Variants in NUP85 observed in about 807,000 individuals in gnomAD.
NUP85 encodes the protein nucleoporin 85, also known as nuclear pore complex protein Nup85.
Under a neutral mutation model 92.8 loss-of-function variants are expected in NUP85, and 23 were observed. The ratio of observed to expected loss-of-function variants is 0.25; its 90% CI spans 0.18 to 0.35. The LOEUF is 0.35. Among genes scored for constraint, NUP85 ranks in the 10% least tolerant of loss-of-function variants. NUP85 has a pLI of 1.00. For synonymous variants in NUP85, 314 were observed against 306.9 expected (o/e 1.02, Z -0.24); for missense variants, 759 against 822.8 (o/e 0.92, Z 0.95).
intron 5 of NUP85, among the ~76,000 whole-genome samples, chr17:75,215,039 C>A (rs1207465484): frequency 2.1e-5 from 3 of 143,000 alleles, no homozygotes; most frequent in Non-Finnish European, 4.6e-5. Context: ...GGCATGGTGG[C>A]AGGCGCCTGT....
intron 3 of NUP85, among the ~76,000 whole-genome samples, chr17:75,210,216 A>T (rs1256413696): frequency 6.6e-6 from 1 of 152,144 alleles, no homozygotes; most frequent in Non-Finnish European, 1.5e-5. Context: ...TTATATTCAT[A>T]TTTTACTTAG....
chr17:75,230,298 C>CT (rs1358261900), intron 11 of NUP85, among the ~76,000 whole-genome samples: 1 of 151,438 alleles, frequency 6.6e-6, no homozygotes, highest in Admixed American at 6.6e-5. Flanking sequence ...CCGCCTCGGC[C>CT]TTTCAGTGTT....
chr17:75,212,258 T>G (rs2075296620), intron 4 of NUP85, among the ~76,000 whole-genome samples, 196 bp downstream of exon 4: 7 of 1,818 alleles, frequency 3.9e-3, no homozygotes, highest in East Asian at 0.017. Flanking sequence ...TTTTTTTTTT[T>G]TTTTTTTTTT....
intron 11 of NUP85, among the ~76,000 whole-genome samples, chr17:75,229,538 C>T (rs544927775): frequency 2.6e-5 from 4 of 152,286 alleles, no homozygotes; most frequent in East Asian, 3.9e-4. Context: ...CTCTGTGTCT[C>T]GGCTGCTCAC....
At chr17:75,212,247 G>GTTTTTTTTTGT (rs2075294230) in intron 4 of NUP85, among the ~76,000 whole-genome samples, 185 bp downstream of exon 4, 2 of 3,670 alleles carry the variant, frequency 5.4e-4, no homozygotes, top group African/African-American at 6.9e-4. Flanking sequence ...TTTTGTTGTT[G>GTTTTTTTTTGT]TTTTTTTTTT....
At chr17:75,223,873 A>G (rs1478708343) in intron 7 of NUP85, among the ~76,000 whole-genome samples, 1 of 152,156 alleles carries the variant, frequency 6.6e-6, no homozygotes, top group Non-Finnish European at 1.5e-5. Flanking sequence ...TTTTCTCAAC[A>G]AAGTATGTCC....
chr17:75,214,798 A>G (rs563824659), intron 5 of NUP85, among the ~76,000 whole-genome samples: 36 of 151,570 alleles, frequency 2.4e-4, no homozygotes, highest in Admixed American at 6.6e-4. Flanking sequence ...CAGAGGTTGC[A>G]GTGAGCCGAG....
At chr17:75,230,916 C>T (rs902505967) in intron 11 of NUP85, among the ~76,000 whole-genome samples, 2 of 145,920 alleles carry the variant, frequency 1.4e-5, no homozygotes, top group African/African-American at 2.5e-5. Context: ...CAAGACTCCA[C>T]CTCAACTACT....
chr17:75,210,702 G>A (rs755132433), intron 3 of NUP85, among the ~76,000 whole-genome samples: 7 of 152,032 alleles, frequency 4.6e-5, no homozygotes, highest in Non-Finnish European at 1.0e-4. Flanking sequence ...ATTATTGGTT[G>A]TTTTTCTGTT....
chr17:75,208,646 TC>T, intron 2 of NUP85, 26 bp downstream of exon 2: 1 of 1,292,046 alleles, frequency 7.7e-7, no homozygotes, highest in Non-Finnish European at 1.1e-6. Flanking sequence ...TTCCAAATTA[TC>T]CATCTTGGCA....
At chr17:75,225,644 G>A in intron 9 of NUP85, 54 bp from the exon 10 acceptor site, 28 of 1,606,844 alleles carry the variant, frequency 1.7e-5, no homozygotes, top group Non-Finnish European at 2.4e-5. Context: ...GGAGCATTAT[G>A]GAGAAGGTAC....
intron 11 of NUP85, among the ~76,000 whole-genome samples, chr17:75,230,755 A>T (rs1056996241): frequency 3.3e-5 from 5 of 152,132 alleles, no homozygotes; most frequent in African/African-American, 4.8e-5. Context: ...TGGTGAGAAC[A>T]TTCAAAAGCT....
In NUP85 at chr17:75,225,244, G is replaced by C; in HGVS notation, c.732+7G>C. On this transcript the variant is annotated splice_region_variant and intron_variant, in intron 8 of 18. Coordinates refer to ENST00000245544, the MANE Select transcript of NUP85 (RefSeq NM_024844.5). ...GACAATGCCCATTCTTAGTGTACGT[G>C]GGGGTAGCTTTGCTCTGCTGGGTCA... is the stretch of plus-strand genomic sequence containing the variant. The C allele has an allele frequency of 6.2e-7, 1 of 1,605,056 alleles. No homozygotes were observed. Among genetic ancestry groups the C allele is most frequent in the East Asian group, 2.2e-5 (1 of 44,734 alleles).
At chr17:75,208,192 T>C in intron 1 of NUP85, 1 of 238,566 alleles carries the variant, frequency 4.2e-6, no homozygotes, top group Non-Finnish European at 8.0e-6. Context: ...TCCTAGCACT[T>C]TGGGAGGCTG....
Position 75,205,758 on chromosome 17 carries a change from C to T in NUP85, c.-4C>T, listed in dbSNP as rs748491522. ...CGACTTCTAGGAGCCTGGGGTTCGG[C>T]GCTATGGAGGAGCTCGATGGCGAGC... On this transcript the variant is annotated 5_prime_UTR_variant, in exon 1 of 19. Coordinates refer to ENST00000245544, the MANE Select transcript of NUP85 (RefSeq NM_024844.5). The T allele has an allele frequency of 6.2e-6, 10 of 1,614,000 alleles. No individual in the cohort carries two copies. The highest frequency in any genetic ancestry group is 4.0e-5 in the African/African-American group (3 of 74,910).
In NUP85 at chr17:75,231,493, G is replaced by A; in HGVS notation, c.1178+70G>A. 6.2e-7 allele frequency: 1 copy of A among 1,608,850 alleles called. No homozygotes were observed. Among genetic ancestry groups the A allele is most frequent in the Non-Finnish European group, 8.5e-7 (1 of 1,175,200 alleles). The stretch of plus-strand genomic sequence containing the variant: ...CCCCCGAGGGTGGTGTGAACTGAAT[G>A]CCTGAAAGGGAGGTTGGGCTAAGGG... On this transcript the variant is annotated intron_variant, in intron 12 of 18. Coordinates refer to ENST00000245544, the MANE Select transcript of NUP85 (RefSeq NM_024844.5). The surrounding 1 kb of genome is among the most constrained non-coding windows in gnomAD (Gnocchi z 4.6).
In NUP85 at chr17:75,229,679, A is replaced by G. The variant is rs73354491; in HGVS notation, c.1095-1661A>G. On this transcript the variant is annotated intron_variant, in intron 11 of 18. Coordinates refer to ENST00000245544, the MANE Select transcript of NUP85 (RefSeq NM_024844.5). ...GACCGTGGTGGCTTTGTGCAGCACT[A>G]TGTCTGGTCTCCGTCACTTGAGTTG... Among the ~76,000 whole-genome samples, 1,420 of 152,196 alleles carry G rather than the reference A, an allele frequency of 9.3e-3. 23 individuals carry two copies. The highest frequency in any genetic ancestry group is 0.033 in the African/African-American group (1,364 of 41,506).
intron 6 of NUP85, among the ~76,000 whole-genome samples, chr17:75,217,428 C>G (rs946875793): frequency 1.3e-5 from 2 of 151,748 alleles, no homozygotes. Flanking sequence ...TGTCAAACTC[C>G]TGGGCTCAAG....
At position 75,225,165 on chromosome 17, in the gene NUP85, C is replaced by T. The variant is rs757940110; in HGVS notation, c.660C>T (p.Ala220=). The part of the protein sequence containing the change: ...DEARQMLSKE[A]DASPASAGIC... ...CCCGACAGATGCTCTCCAAGGAAGC[C>T]GATGCCAGCCCCGCCTCTGCAGGCA... The change falls in exon 8 of 19, where the codon GCC becomes GCT. Residue 220 remains alanine (A), a synonymous_variant. Coordinates refer to ENST00000245544, the MANE Select transcript of NUP85 (RefSeq NM_024844.5). 105 of 1,604,936 alleles carry T rather than the reference C, an allele frequency of 6.5e-5. No individual in the cohort carries two copies. The highest frequency in any genetic ancestry group is 8.1e-5 in the Non-Finnish European group (95 of 1,174,638).
Sources: allele counts gnomAD v4.1 joint callset (sites outside exome capture counted in the v4.1 genomes callset), GRCh38; gene constraint gnomAD v4.1.1; non-coding constraint Gnocchi (gnomAD v3.1); transcripts MANE v1.5; gene names NCBI Gene and HGNC (gene_info 2026-07-23, HGNC 2026-07-21).